The following PCDHGA11 variants were observed in gnomAD, a reference collection of about 807,000 sequenced individuals.
PCDHGA11 encodes the protein protocadherin gamma subfamily A, 11.
In PCDHGA11, 39 loss-of-function variants were observed where a neutral mutation model predicts 60.4. The observed-to-expected ratio is 0.65, with a 90% confidence interval of 0.50 to 0.84. The LOEUF (loss-of-function observed/expected upper bound fraction) is 0.84. Among genes scored for constraint, PCDHGA11 ranks in the 40% least tolerant of loss-of-function variants. The pLI is 0.00. For missense variants in PCDHGA11, 1,165 were observed against 1,197.7 expected, an observed-to-expected ratio of 0.97 and a Z score of 0.40; for synonymous variants, 533 against 510.3, an observed-to-expected ratio of 1.04 and a Z score of -0.60.
chr5:141,425,426 A>T (rs1227154364), intron 1 of PCDHGA11, among the ~76,000 whole-genome samples: 1 of 152,236 alleles, frequency 6.6e-6, no homozygotes, highest in African/African-American at 2.4e-5. Flanking sequence ...AGTCCCATTA[A>T]ATAGAGGATA....
At chr5:141,448,143 A>C (rs2098568288) in intron 1 of PCDHGA11, among the ~76,000 whole-genome samples, 1 of 152,012 alleles carries the variant, frequency 6.6e-6, no homozygotes, top group Admixed American at 6.6e-5. Context: ...ACTATACCTC[A>C]GACTCACCCC....
intron 1 of PCDHGA11, among the ~76,000 whole-genome samples, chr5:141,453,679 T>C (rs960698192): frequency 2.0e-5 from 3 of 152,230 alleles, no homozygotes; most frequent in Non-Finnish European, 2.9e-5. Context: ...GGTAACACAC[T>C]ATGTAGGTAG....
intron 1 of PCDHGA11, among the ~76,000 whole-genome samples, chr5:141,475,567 A>G (rs1260546062): frequency 6.6e-6 from 1 of 152,244 alleles, no homozygotes; most frequent in African/African-American, 2.4e-5. Flanking sequence ...CTGTCTTCCA[A>G]CAAGCCAGAT....
In PCDHGA11 at chr5:141,485,507, G is replaced by A. The variant is rs766643911; in HGVS notation, c.2434-9300G>A. 6.8e-6 allele frequency: 11 copies of A among 1,614,174 alleles called. No homozygotes were observed. Among genetic ancestry groups the A allele is most frequent in the Non-Finnish European group, 8.5e-6 (10 of 1,180,036 alleles). ...CGTGCCCCTGGAGTTTGTCACCGAA[G>A]GTCCTTTGGAAATGTACCGAGCAGA... On this transcript the variant is annotated intron_variant, in intron 1 of 3. Transcript: ENST00000398587. The surrounding 1 kb of genome is among the most constrained non-coding windows in gnomAD (Gnocchi z 5.7).
At chr5:141,425,429 A>G in intron 1 of PCDHGA11, among the ~76,000 whole-genome samples, 1 of 152,254 alleles carries the variant, frequency 6.6e-6, no homozygotes, top group East Asian at 1.9e-4. Flanking sequence ...CCCATTAAAT[A>G]GAGGATAAAA....
intron 1 of PCDHGA11, among the ~76,000 whole-genome samples, chr5:141,435,150 C>G (rs1256233613): frequency 6.6e-6 from 1 of 152,006 alleles, no homozygotes; most frequent in Non-Finnish European, 1.5e-5. Context: ...TTGTGATAAA[C>G]TTTTGTAAAT....
intron 1 of PCDHGA11, among the ~76,000 whole-genome samples, chr5:141,471,998 A>T (rs938492822): frequency 5.3e-5 from 8 of 152,276 alleles, no homozygotes; most frequent in South Asian, 2.1e-4. Context: ...AAATCCCTGC[A>T]TCGTATAGGG....
intron 1 of PCDHGA11, chr5:141,428,105 G>A: frequency 1.9e-6 from 3 of 1,608,184 alleles, no homozygotes; most frequent in Admixed American, 1.7e-5. Flanking sequence ...ACCACGTGCT[G>A]CAGGCCATCG....
chr5:141,511,358 G>T lies in PCDHGA11; in HGVS notation c.*185G>T, dbSNP rs905197337. 1.5e-6 allele frequency: 2 copies of T among 1,355,398 alleles called. No homozygotes were observed. Among genetic ancestry groups the T allele is most frequent in the East Asian group, 2.5e-5 (1 of 39,588 alleles). The allele number at this position is 1,355,398 out of a possible 1,614,324, so 84.0% of individuals were successfully genotyped here. ...GCACCTACCCCTTCCCCCCCAGGGGGTTGAATATGCAAAAGCAGTTCCGCT... is the reference window on the plus strand; with the variant it reads ...GCACCTACCCCTTCCCCCCCAGGGGTTTGAATATGCAAAAGCAGTTCCGCT... On this transcript the variant is annotated 3_prime_UTR_variant, in exon 4 of 4. Coordinates refer to ENST00000398587, the MANE Select transcript of PCDHGA11 (RefSeq NM_018914.3).
chr5:141,494,781 C>T, intron 1 of PCDHGA11, 26 bp from the exon 2 acceptor site: 1 of 1,614,074 alleles, frequency 6.2e-7, no homozygotes, highest in African/African-American at 1.3e-5. Flanking sequence ...GGGTACTCAG[C>T]CCCTTTCCCT....
chr5:141,465,918 C>T lies in PCDHGA11; in HGVS notation c.2434-28889C>T, dbSNP rs34980831. On this transcript the variant is annotated intron_variant, in intron 1 of 3. Transcript: ENST00000398587. ...CGGGCAAATCACGAGGTCAGGATTT[C>T]GAGTCCATCCTGGCTAACATGGTGA... 2.0e-3 allele frequency among the ~76,000 whole-genome samples: 307 copies of T among 152,144 alleles called. 1 individual carries two copies. Among genetic ancestry groups the T allele is most frequent in the Middle Eastern group, 0.01 (3 of 294 alleles).
intron 1 of PCDHGA11, 78 bp from the exon 2 acceptor site, chr5:141,494,729 C>CG: frequency 6.2e-7 from 1 of 1,610,168 alleles, no homozygotes; most frequent in South Asian, 1.1e-5. Context: ...CCTTCTCTCC[C>CG]GGCCCATCCC....
At chr5:141,494,156 C>T (rs566096073) in intron 1 of PCDHGA11, among the ~76,000 whole-genome samples, 22 of 152,316 alleles carry the variant, frequency 1.4e-4, no homozygotes, top group African/African-American at 4.3e-4. Context: ...TTGTCTGGCA[C>T]GGAGTTCTAG....
In PCDHGA11 at chr5:141,432,518, C is replaced by T. The variant is rs1314948517; in HGVS notation, c.2433+8858C>T. 6.2e-7 allele frequency: 1 copy of T among 1,614,126 alleles called. No homozygotes were observed. The highest frequency in any genetic ancestry group is 8.5e-7 in the Non-Finnish European group (1 of 1,180,024). On this transcript the variant is annotated intron_variant, in intron 1 of 3. Coordinates refer to ENST00000398587, the MANE Select transcript of PCDHGA11 (RefSeq NM_018914.3). This position sits in a 1 kb window ranked among gnomAD's most constrained non-coding sequence, Gnocchi z 6.0. The stretch of plus-strand genomic sequence containing the variant: ...TCCCCGCTCCGCAGAGCCCGGCTAC[C>T]TGGTGACCAAGGTGGTGGCGGTGGA...
intron 1 of PCDHGA11, among the ~76,000 whole-genome samples, chr5:141,437,721 A>G (rs2097904045): frequency 6.6e-6 from 1 of 151,664 alleles, no homozygotes; most frequent in African/African-American, 2.4e-5. Flanking sequence ...TTACCCTCTA[A>G]TGTTACACTT....
intron 1 of PCDHGA11, among the ~76,000 whole-genome samples, chr5:141,455,160 G>GTT (rs59530096): frequency 1.3e-4 from 20 of 149,232 alleles, no homozygotes; most frequent in South Asian, 1.1e-3. Flanking sequence ...TAGTTTGTTG[G>GTT]TTTTTTTTTT....
In PCDHGA11 at chr5:141,493,079, G is replaced by A. The variant is rs1299289839; in HGVS notation, c.2434-1728G>A. 6.6e-6 allele frequency among the ~76,000 whole-genome samples: 1 copy of A among 152,204 alleles called. No homozygotes were observed. Among genetic ancestry groups the A allele is most frequent in the East Asian group, 1.9e-4 (1 of 5,196 alleles). Reference sequence around the variant, plus strand: ...AAAAACACAAGTTTCTCCAACTCCAGGAGCTTTTATTCAAAATATATCAAT... The same window carrying A: ...AAAAACACAAGTTTCTCCAACTCCAAGAGCTTTTATTCAAAATATATCAAT... On this transcript the variant is annotated intron_variant, in intron 1 of 3. Transcript: ENST00000398587. The surrounding 1 kb of genome is among the most constrained non-coding windows in gnomAD (Gnocchi z 4.3).
Position 141,432,254 on chromosome 5 carries a change from G to A in PCDHGA11, c.2433+8594G>A, listed in dbSNP as rs935437220. 6.2e-7 allele frequency: 1 copy of A among 1,614,242 alleles called. No homozygotes were observed. The highest frequency in any genetic ancestry group is 8.5e-7 in the Non-Finnish European group (1 of 1,180,050). ...CCTGGCTGAGAACACCATCCAAGGG[G>A]CAAGCCTATCGTCCTACGTGTCCAT... On this transcript the variant is annotated intron_variant, in intron 1 of 3. Transcript: ENST00000398587. The surrounding 1 kb of genome is among the most constrained non-coding windows in gnomAD (Gnocchi z 6.0).
At chr5:141,505,616 C>T in intron 3 of PCDHGA11, 135 bp downstream of exon 3, 2 of 1,503,162 alleles carry the variant, frequency 1.3e-6, no homozygotes, top group South Asian at 1.3e-5. Flanking sequence ...CTGAAAGGAC[C>T]CACAATTCCA....
Sources: gnomAD v4.1 joint callset for allele counts (sites outside exome capture counted in the v4.1 genomes callset) on GRCh38, gnomAD v4.1.1 for gene constraint, Gnocchi (gnomAD v3.1) non-coding constraint, MANE v1.5 for transcripts, NCBI Gene and HGNC (gene_info 2026-07-23, HGNC 2026-07-21) for gene names.